The following SLC3A1 variants were observed in gnomAD, a reference collection of about 807,000 sequenced individuals.
SLC3A1 encodes solute carrier family 3 member 1.
Under a neutral mutation model 60.3 loss-of-function variants are expected in SLC3A1, and 78 were observed. The observed-to-expected ratio is 1.29, with a 90% CI of 1.08 to 1.56. The LOEUF is 1.56. Ranked by LOEUF, SLC3A1 falls within the 40% of genes most tolerant of loss-of-function variation. The pLI is 0.00. For synonymous variants in SLC3A1, 392 were observed against 307.9 expected (o/e 1.27, Z -2.86); for missense variants, 1,172 against 858.9 (o/e 1.36, Z -4.56).
intron 8 of SLC3A1, among the ~76,000 whole-genome samples, chr2:44,313,214 T>C (rs1672342203): frequency 6.6e-6 from 1 of 152,216 alleles, no homozygotes; most frequent in South Asian, 2.1e-4. Flanking sequence ...TTTTCTGTTA[T>C]CAGGTGCAGT....
chr2:44,304,442 C>T (rs1672101001), intron 7 of SLC3A1, 104 bp downstream of exon 7: 2 of 892,360 alleles, frequency 2.2e-6, no homozygotes, highest in East Asian at 2.6e-5. Flanking sequence ...ACCATCACCT[C>T]TGCCTTATTT....
At position 44,275,718 on chromosome 2, in the gene SLC3A1, C is replaced by T. The variant is rs748832562; in HGVS notation, c.183C>T (p.Gly61=). Residue 61 remains glycine, a synonymous_variant, in exon 1 of 10, where the codon GGC becomes GGT. Coordinates refer to ENST00000260649, the MANE Select transcript of SLC3A1 (RefSeq NM_000341.4). The part of the protein sequence containing the change: ...ILGSQEPDFK[G]VQPYAGMPKE... ...GCTCCCAGGAGCCCGACTTCAAGGGCGTCCAGCCCTATGCGGGGATGCCCA... is the reference window on the plus strand; with the variant it reads ...GCTCCCAGGAGCCCGACTTCAAGGGTGTCCAGCCCTATGCGGGGATGCCCA... 1.4e-5 allele frequency: 22 copies of T among 1,614,200 alleles called. No homozygotes were observed. The highest frequency in any genetic ancestry group is 1.9e-5 in the Non-Finnish European group (22 of 1,180,024).
At chr2:44,293,360 T>C in intron 4 of SLC3A1, among the ~76,000 whole-genome samples, 1 of 151,786 alleles carries the variant, frequency 6.6e-6, no homozygotes, top group Non-Finnish European at 1.5e-5. Context: ...CTCCTAAAAA[T>C]ACAAAAATTA....
intron 3 of SLC3A1, 63 bp from the exon 4 acceptor site, chr2:44,285,969 T>A (rs1311575762): frequency 1.3e-6 from 2 of 1,594,900 alleles, no homozygotes; most frequent in Admixed American, 3.3e-5. Flanking sequence ...GGGAGGGCAA[T>A]GATCTTTATT....
intron 9 of SLC3A1, chr2:44,314,214 G>C: frequency 1.2e-6 from 1 of 818,858 alleles, no homozygotes; most frequent in Non-Finnish European, 1.8e-6. Context: ...TAAGGCCTTT[G>C]AGCTATGAAG....
At chr2:44,278,238 A>T (rs1256584978) in intron 1 of SLC3A1, among the ~76,000 whole-genome samples, 4 of 151,870 alleles carry the variant, frequency 2.6e-5, no homozygotes, top group African/African-American at 9.7e-5. Context: ...AGGTCAGGAG[A>T]TTGAGACCAT....
At chr2:44,288,535 AG>A (rs1671667927) in intron 4 of SLC3A1, among the ~76,000 whole-genome samples, 2 of 152,178 alleles carry the variant, frequency 1.3e-5, no homozygotes, top group Admixed American at 6.5e-5. Flanking sequence ...TATCCCTGGT[AG>A]GTGTCTGTAT....
chr2:44,318,826 C>T (rs1672670224), intron 9 of SLC3A1: 1 of 152,046 alleles, frequency 6.6e-6, no homozygotes, highest in Non-Finnish European at 1.5e-5. Flanking sequence ...TTATATGAGA[C>T]AAAGGCAATT....
At chr2:44,277,956 C>G (rs1671387378) in intron 1 of SLC3A1, among the ~76,000 whole-genome samples, 1 of 152,178 alleles carries the variant, frequency 6.6e-6, no homozygotes, top group African/African-American at 2.4e-5. Flanking sequence ...CTCTCTCCTT[C>G]TAAAATGTGG....
chr2:44,282,927 G>A (rs1336267192), intron 3 of SLC3A1, among the ~76,000 whole-genome samples: 2 of 152,098 alleles, frequency 1.3e-5, no homozygotes, highest in African/African-American at 4.8e-5. Context: ...CAAAGTGCTG[G>A]GATTACAGGT....
intron 4 of SLC3A1, among the ~76,000 whole-genome samples, chr2:44,293,901 C>T (rs1367081699): frequency 6.6e-6 from 1 of 152,098 alleles, no homozygotes; most frequent in Admixed American, 6.5e-5. Flanking sequence ...TGGTACGTAC[C>T]TAATGGGGTT....
rs898396012 is a variant in SLC3A1 at position 44,275,727 on chromosome 2, C to G, written c.192C>G (p.Pro64=). 1.9e-6 allele frequency: 3 copies of G among 1,614,228 alleles called. No individual in the cohort carries two copies. The highest frequency in any genetic ancestry group is 1.3e-5 in the African/African-American group (1 of 75,080). Residue 64 remains proline (P), a synonymous_variant, in exon 1 of 10, where the codon CCC becomes CCG. Coordinates refer to ENST00000260649, the MANE Select transcript of SLC3A1 (RefSeq NM_000341.4). ...AGCCCGACTTCAAGGGCGTCCAGCC[C>G]TATGCGGGGATGCCCAAGGAGGTGC... The part of the protein sequence containing the change: ...SQEPDFKGVQ[P]YAGMPKEVLF...
chr2:44,280,674 A>G, intron 1 of SLC3A1, 42 bp from the exon 2 acceptor site: 1 of 1,436,546 alleles, frequency 7.0e-7, no homozygotes, highest in Non-Finnish European at 9.8e-7. Flanking sequence ...CTTTAACTAA[A>G]ACAAAGTAGG....
chr2:44,299,395 C>T (rs1262920268), intron 4 of SLC3A1, among the ~76,000 whole-genome samples: 1 of 152,196 alleles, frequency 6.6e-6, no homozygotes, highest in East Asian at 1.9e-4. Context: ...CTGAGTTTTA[C>T]CACAGGATCG....
At chr2:44,312,282 T>C (rs1215224989) in intron 7 of SLC3A1, among the ~76,000 whole-genome samples, 1 of 152,216 alleles carries the variant, frequency 6.6e-6, no homozygotes, top group Non-Finnish European at 1.5e-5. Flanking sequence ...ACAGTTTTGC[T>C]TCCTTTCCTG....
At chr2:44,303,620 G>T (rs1672074010) in intron 6 of SLC3A1, among the ~76,000 whole-genome samples, 1 of 151,936 alleles carries the variant, frequency 6.6e-6, no homozygotes, top group East Asian at 1.9e-4. Context: ...TGGGGTACAT[G>T]TGTACAACAT....
downstream of SLC3A1, chr2:44,321,497 C>A: frequency 6.3e-7 from 1 of 1,586,280 alleles, no homozygotes; most frequent in Non-Finnish European, 8.6e-7. Flanking sequence ...TAGTAAAATG[C>A]CACTGTTTAA....
At chr2:44,295,112 G>A (rs1671821201) in intron 4 of SLC3A1, among the ~76,000 whole-genome samples, 1 of 152,112 alleles carries the variant, frequency 6.6e-6, no homozygotes, top group South Asian at 2.1e-4. Context: ...GGGTTTTTAG[G>A]TAAACGGGCC....
chr2:44,313,550 C>T (rs944627911), intron 8 of SLC3A1, among the ~76,000 whole-genome samples: 1 of 152,062 alleles, frequency 6.6e-6, no homozygotes, highest in African/African-American at 2.4e-5. Context: ...TTTTGAAATC[C>T]TGTATTATTG....
Sources: gnomAD v4.1 joint callset for allele counts (sites outside exome capture counted in the v4.1 genomes callset) on GRCh38, gnomAD v4.1.1 for gene constraint, MANE v1.5 for transcripts, NCBI Gene and HGNC (gene_info 2026-07-23, HGNC 2026-07-21) for gene names.